Variants in NID2 observed in about 807,000 individuals in gnomAD.
NID2 encodes nidogen-2.
A neutral mutation model predicts 145.4 loss-of-function variants in NID2; 83 were observed. That is an observed-to-expected ratio of 0.57 (90% CI 0.48 to 0.69). The LOEUF is 0.69. Ranked by LOEUF, NID2 falls within the 30% of genes least tolerant of loss-of-function variation. NID2 has a pLI of 0.00. For synonymous variants in NID2, 739 were observed against 701.3 expected, an observed-to-expected ratio of 1.05 and a Z score of -0.85; for missense variants, 1,807 against 1,765.7, an observed-to-expected ratio of 1.02 and a Z score of -0.42.
At chr14:52,023,117 C>T (rs981121431) in intron 12 of NID2, among the ~76,000 whole-genome samples, 2 of 152,198 alleles carry the variant, frequency 1.3e-5, no homozygotes, top group African/African-American at 4.8e-5. Flanking sequence ...CCAACATCTA[C>T]CTACATTCTT....
rs149700204 is a variant in NID2 at position 52,011,672 on chromosome 14, G to T, written c.3432C>A (p.Ile1144=). The T allele has an allele frequency of 5.0e-6, 8 of 1,614,136 alleles. No individual in the cohort carries two copies. The East Asian group carries it at 1.6e-4, about 31-fold the overall frequency. The change falls in exon 17 of 22, where the codon ATC becomes ATA. Residue 1144 remains isoleucine, a synonymous_variant. Coordinates refer to ENST00000216286, the MANE Select transcript of NID2 (RefSeq NM_007361.4). ...CCCGGCAGTCGTAATCAATTCCCAC[G>T]ATTATGGAGCCCTTTGTGCATCAAA... ...KTLLSLHGSI[I]VGIDYDCRER...
intron 9 of NID2, among the ~76,000 whole-genome samples, chr14:52,032,514 T>C (rs1231501421): frequency 6.6e-6 from 1 of 152,152 alleles, no homozygotes; most frequent in Non-Finnish European, 1.5e-5. Flanking sequence ...CAGTCCTCAA[T>C]AGGTTATAAC....
intron 1 of NID2, 94 bp downstream of exon 1, chr14:52,068,673 G>C: frequency 8.9e-7 from 1 of 1,117,354 alleles, no homozygotes; most frequent in Non-Finnish European, 1.3e-6. Flanking sequence ...TCCAGGAGTG[G>C]GGTCTGTTTC....
intron 5 of NID2, among the ~76,000 whole-genome samples, chr14:52,047,527 G>C (rs999740829): frequency 6.6e-6 from 1 of 152,120 alleles, no homozygotes; most frequent in Non-Finnish European, 1.5e-5. Context: ...AGAGGGTTTC[G>C]AGCAGAAGAG....
In NID2 at chr14:52,023,450, G is replaced by A. The variant is rs140238814; in HGVS notation, c.2675-3272C>T. Among the ~76,000 whole-genome samples, 127 of 151,306 alleles carry A rather than the reference G, an allele frequency of 8.4e-4. 3 individuals carry two copies. The East Asian group carries it at 0.021, about 25-fold the overall frequency. ...AGCCTGGGTGATAAAGTAAGACCCT[G>A]CCTAAAAAAATAAATAAATAAATAA... On this transcript the variant is annotated intron_variant, in intron 12 of 21. Coordinates refer to ENST00000216286, the MANE Select transcript of NID2 (RefSeq NM_007361.4).
chr14:52,011,796 G>A, intron 16 of NID2, 113 bp from the exon 17 acceptor site: 2 of 1,273,394 alleles, frequency 1.6e-6, no homozygotes, highest in South Asian at 2.6e-5. Flanking sequence ...CTGTGATCCT[G>A]CAGGCAACAG....
chr14:52,020,229 TCA>T lies in NID2; in HGVS notation c.2675-53_2675-52del, dbSNP rs1191897422. On this transcript the variant is annotated intron_variant, in intron 12 of 21. Coordinates refer to ENST00000216286, the MANE Select transcript of NID2 (RefSeq NM_007361.4). ...GAAGCAAAGAACACTATGACTTCAC[TCA>T]CACAATCTGTGCGACTGCATGGGCT... 7 of 1,607,722 alleles carry T rather than the reference TCA, an allele frequency of 4.4e-6. No individual in the cohort carries two copies. In the Admixed American group the frequency reaches 6.7e-5, roughly 15 times the overall value.
intron 9 of NID2, among the ~76,000 whole-genome samples, chr14:52,030,749 G>T (rs1261670818): frequency 6.6e-6 from 1 of 152,114 alleles, no homozygotes; most frequent in Non-Finnish European, 1.5e-5. Flanking sequence ...TACTCCAGAG[G>T]GTGAGGCAGG....
At chr14:52,005,636 C>A (rs1170531443) in intron 21 of NID2, 101 bp downstream of exon 21, 1 of 1,365,128 alleles carries the variant, frequency 7.3e-7, no homozygotes, top group Non-Finnish European at 1.0e-6. Flanking sequence ...AGGAAGAAGG[C>A]AATGGTGGCA....
At chr14:52,055,941 T>TTGTG (rs10664431) in intron 3 of NID2, among the ~76,000 whole-genome samples, 14 of 150,488 alleles carry the variant, frequency 9.3e-5, no homozygotes, top group Non-Finnish European at 1.5e-4. Flanking sequence ...TTGTGTGTGT[T>TTGTG]TGTGTGTGTG....
At chr14:52,061,972 C>G (rs186435090) in intron 2 of NID2, among the ~76,000 whole-genome samples, 1 of 152,298 alleles carries the variant, frequency 6.6e-6, no homozygotes, top group East Asian at 1.9e-4. Context: ...TGGTAAGTAT[C>G]ATTACCTTTC....
intron 9 of NID2, among the ~76,000 whole-genome samples, chr14:52,034,957 A>T (rs1325013801): frequency 6.6e-6 from 1 of 152,180 alleles, no homozygotes; most frequent in African/African-American, 2.4e-5. Flanking sequence ...ACATTTTTTA[A>T]TAATTAAGAC....
intron 18 of NID2, chr14:52,010,606 ATC>A: frequency 3.2e-6 from 1 of 314,816 alleles, no homozygotes; most frequent in Non-Finnish European, 6.0e-6. Context: ...TCACAACACT[ATC>A]TGAATTTTCT....
chr14:52,006,205 T>C (rs1304722672), intron 20 of NID2: 4 of 392,908 alleles, frequency 1.0e-5, no homozygotes, highest in Middle Eastern at 7.7e-4. Context: ...CCCTGTAATA[T>C]AGCTCATGGT....
chr14:52,030,577 G>GAAAGAAAGAAAGAAAGAAA (rs1566755681), intron 9 of NID2, among the ~76,000 whole-genome samples: 4 of 92,942 alleles, frequency 4.3e-5, no homozygotes, highest in African/African-American at 1.2e-4. Context: ...AGGAAGGAAG[G>GAAAGAAAGAAAGAAAGAAA]GAAAGAAAGA....
rs574438184 is a variant in NID2, at chr14:52,068,184, A to G, written c.229-21T>C. ...CCCACCTGGGAGAGGAGAGGGACAA[A>G]AAGGTGACAGTCGCTCAAGCCCAAG... On this transcript the variant is annotated intron_variant, in intron 1 of 21. Transcript: ENST00000216286. 8 of 1,609,280 alleles carry G rather than the reference A, an allele frequency of 5.0e-6. No homozygotes were observed. In the South Asian group the frequency reaches 8.9e-5, roughly 18 times the overall value.
chr14:52,058,217 C>A (rs1892918258), intron 3 of NID2, among the ~76,000 whole-genome samples: 1 of 152,162 alleles, frequency 6.6e-6, no homozygotes, highest in Non-Finnish European at 1.5e-5. Flanking sequence ...AGACATCTGA[C>A]TAAAAGACCC....
At chr14:52,027,060 C>CTT in intron 12 of NID2, 141 bp downstream of exon 12, 1 of 849,152 alleles carries the variant, frequency 1.2e-6, no homozygotes, top group Non-Finnish European at 1.6e-6. Flanking sequence ...TCAAAGGACG[C>CTT]TTTTTTCTCA....
At chr14:52,030,563 AGAAAGGAAGGAAGG>A (rs1891793844) in intron 9 of NID2, among the ~76,000 whole-genome samples, 4 of 50,086 alleles carry the variant, frequency 8.0e-5, no homozygotes, top group Admixed American at 2.1e-4. Context: ...AAAGAAAGAA[AGAAAGGAAGGAAGG>A]GAAAGAAAGA....
Sources: gnomAD v4.1 joint callset for allele counts (sites outside exome capture counted in the v4.1 genomes callset) on GRCh38, gnomAD v4.1.1 for gene constraint, MANE v1.5 for transcripts, NCBI Gene and HGNC (gene_info 2026-07-23, HGNC 2026-07-21) for gene names.